The following SGMS1 variants were observed in gnomAD, a reference collection of about 807,000 sequenced individuals.
SGMS1 encodes sphingomyelin synthase 1, also known as phosphatidylcholine:ceramide cholinephosphotransferase 1.
SGMS1 carries 13 observed loss-of-function variants against 46.2 expected under a neutral mutation model. The ratio of observed to expected loss-of-function variants is 0.28; its 90% confidence interval spans 0.18 to 0.45. The LOEUF is 0.45. Ranked by LOEUF, SGMS1 falls within the 20% of genes least tolerant of loss-of-function variation. SGMS1 has a pLI of 1.00. For synonymous variants in SGMS1, 203 were observed against 187.8 expected, an observed-to-expected ratio of 1.08 and a Z score of -0.66; for missense variants, 324 against 519.9, an observed-to-expected ratio of 0.62 and a Z score of 3.66.
chr10:50,431,764 A>G (rs1849406462), intron 6 of SGMS1, among the ~76,000 whole-genome samples: 2 of 152,200 alleles, frequency 1.3e-5, no homozygotes, highest in South Asian at 4.1e-4. Context: ...TTGTCTCTGT[A>G]GCACCACTAC....
chr10:50,509,712 A>G (rs1270603437), intron 3 of SGMS1, among the ~76,000 whole-genome samples: 1 of 152,324 alleles, frequency 6.6e-6, no homozygotes. Context: ...AGCTATTTCC[A>G]TCACCCAATT....
chr10:50,565,848 G>A (rs1032962914), intron 2 of SGMS1, among the ~76,000 whole-genome samples: 9 of 152,208 alleles, frequency 5.9e-5, no homozygotes, highest in African/African-American at 1.9e-4. Flanking sequence ...TGCCCGTGAC[G>A]ATCAGGTGCT....
At chr10:50,546,656 G>A (rs1292345880) in intron 2 of SGMS1, among the ~76,000 whole-genome samples, 2 of 152,112 alleles carry the variant, frequency 1.3e-5, no homozygotes, top group Non-Finnish European at 2.9e-5. Flanking sequence ...CTCACTCATA[G>A]GTGGAATTTG....
intron 1 of SGMS1, chr10:50,590,653 G>A (rs531272233): frequency 6.6e-6 from 1 of 151,840 alleles, no homozygotes; most frequent in East Asian, 1.9e-4. Flanking sequence ...TTTTTTTTGA[G>A]GAGTTTTCTG....
intron 1 of SGMS1, among the ~76,000 whole-genome samples, chr10:50,605,614 T>C (rs1838687693): frequency 6.6e-6 from 1 of 152,240 alleles, no homozygotes; most frequent in Non-Finnish European, 1.5e-5. Flanking sequence ...CCTCAGGCAG[T>C]ACTAATACCT....
chr10:50,535,200 C>A (rs1026565800), intron 2 of SGMS1, among the ~76,000 whole-genome samples: 3 of 150,270 alleles, frequency 2.0e-5, no homozygotes, highest in Non-Finnish European at 4.4e-5. Flanking sequence ...CCACTGCACT[C>A]CAGCATGGTG....
intron 8 of SGMS1, among the ~76,000 whole-genome samples, chr10:50,322,378 C>T (rs1026824449): frequency 2.0e-5 from 3 of 152,196 alleles, no homozygotes; most frequent in Non-Finnish European, 4.4e-5. Flanking sequence ...TATTTCTTCT[C>T]TTCTATTAGC....
intron 2 of SGMS1, among the ~76,000 whole-genome samples, chr10:50,563,208 C>T (rs1374533109): frequency 2.6e-5 from 4 of 152,120 alleles, no homozygotes; most frequent in Admixed American, 1.3e-4. Flanking sequence ...TGGTCGGCCC[C>T]GGGCACTGCT....
At chr10:50,502,557 C>T (rs1256149457) in intron 3 of SGMS1, among the ~76,000 whole-genome samples, 1 of 152,184 alleles carries the variant, frequency 6.6e-6, no homozygotes, top group Non-Finnish European at 1.5e-5. Context: ...TATCTGCCCA[C>T]ATTTCACATT....
At chr10:50,585,476 G>T (rs1838475007) in intron 2 of SGMS1, among the ~76,000 whole-genome samples, 1 of 152,174 alleles carries the variant, frequency 6.6e-6, no homozygotes, top group Non-Finnish European at 1.5e-5. Flanking sequence ...AATTAATAAA[G>T]ATAGCTGACA....
chr10:50,623,773 G>C lies in SGMS1; in HGVS notation c.-750C>G. On this transcript the variant is annotated 5_prime_UTR_variant, in exon 1 of 11. Transcript: ENST00000361781. The stretch of plus-strand genomic sequence containing the variant: ...AGCCCCCGCCGCGGAATGAAATCCG[G>C]GGCAGGGCAGCGTCGGGGCTCCGCA... 2 of 985,516 alleles carry C rather than the reference G, an allele frequency of 2.0e-6. No homozygotes were observed. The highest frequency in any genetic ancestry group is 2.4e-6 in the Non-Finnish European group (2 of 830,012). The allele number at this position is 985,516 out of a possible 1,614,324, so 61.0% of individuals were successfully genotyped here. A position where few individuals can be genotyped will look rare whatever the true frequency, so the allele number is the denominator to read the frequency against.
intron 1 of SGMS1, among the ~76,000 whole-genome samples, chr10:50,607,613 C>A (rs944907646): frequency 2.0e-5 from 3 of 152,200 alleles, no homozygotes; most frequent in African/African-American, 4.8e-5. Flanking sequence ...GCATTTTTCT[C>A]TCAACTGGTT....
chr10:50,535,295 G>C (rs1837990757), intron 2 of SGMS1, among the ~76,000 whole-genome samples: 1 of 152,068 alleles, frequency 6.6e-6, no homozygotes, highest in Admixed American at 6.5e-5. Flanking sequence ...TACCCTAGCT[G>C]TTCATATGAA....
chr10:50,376,851 G>C (rs1425286021), intron 6 of SGMS1, among the ~76,000 whole-genome samples: 1 of 152,138 alleles, frequency 6.6e-6, no homozygotes, highest in Non-Finnish European at 1.5e-5. Flanking sequence ...ATTTGGGTTG[G>C]TTCCAAGTCT....
intron 3 of SGMS1, among the ~76,000 whole-genome samples, chr10:50,494,539 TACC>T (rs1327119499): frequency 2.6e-5 from 4 of 152,030 alleles, no homozygotes; most frequent in African/African-American, 9.7e-5. Context: ...GAAAACAAAA[TACC>T]ACATGTTCTC....
intron 2 of SGMS1, among the ~76,000 whole-genome samples, chr10:50,584,629 T>C (rs1838466121): frequency 6.6e-6 from 1 of 152,036 alleles, no homozygotes; most frequent in Non-Finnish European, 1.5e-5. Flanking sequence ...TCCTTCCCTG[T>C]GGTTTCTTCA....
At chr10:50,397,743 C>CT (rs1848867874) in intron 6 of SGMS1, among the ~76,000 whole-genome samples, 1 of 152,308 alleles carries the variant, frequency 6.6e-6, no homozygotes, top group South Asian at 2.1e-4. Context: ...ACAGCTGTTA[C>CT]TTAAGCAACC....
chr10:50,577,380 T>C (rs965138052), intron 2 of SGMS1, among the ~76,000 whole-genome samples: 2 of 151,996 alleles, frequency 1.3e-5, no homozygotes, highest in African/African-American at 4.8e-5. Context: ...AGAAGACAGA[T>C]TTGGAGAGCA....
chr10:50,491,654 C>CT (rs1252767390), intron 3 of SGMS1, among the ~76,000 whole-genome samples: 2 of 152,162 alleles, frequency 1.3e-5, no homozygotes, highest in African/African-American at 4.8e-5. Flanking sequence ...ATAACGAACT[C>CT]TGAGATTGAA....
Sources: gnomAD v4.1 joint callset for allele counts (sites outside exome capture counted in the v4.1 genomes callset) on GRCh38, gnomAD v4.1.1 for gene constraint, MANE v1.5 for transcripts, NCBI Gene and HGNC (gene_info 2026-07-23, HGNC 2026-07-21) for gene names.